Variants in MPRIP observed in about 807,000 individuals in gnomAD.
MPRIP encodes the protein myosin phosphatase Rho-interacting protein.
A neutral mutation model predicts 234.9 loss-of-function variants in MPRIP; 59 were observed. The ratio of observed to expected loss-of-function variants is 0.25; its 90% CI spans 0.20 to 0.31. The LOEUF is 0.31. MPRIP is among the 10% of genes least tolerant of loss of function. The pLI, the probability that MPRIP is intolerant of heterozygous loss-of-function variation, is 1.00. For missense variants in MPRIP, 2,436 were observed against 3,071.0 expected (o/e 0.79, Z 4.89); for synonymous variants, 1,144 against 1,263.9 (o/e 0.91, Z 2.01).
rs2046358950 is a variant in MPRIP at position 17,180,820 on chromosome 17, G to T, written c.7206+732G>T. On this transcript the variant is annotated intron_variant, in intron 23 of 23. Transcript: ENST00000651222. ...TTTAACCTGCTCTGGGGAGTTAATT[G>T]GCACTCTAACCTCTTAACAGAGATG... is the stretch of plus-strand genomic sequence containing the variant. Among the ~76,000 whole-genome samples the T allele has an allele frequency of 2.0e-5, 3 of 152,210 alleles. No individual in the cohort carries two copies. In the South Asian group the frequency reaches 6.2e-4, roughly 32 times the overall value.
intron 8 of MPRIP, 55 bp downstream of exon 8, chr17:17,142,820 T>C: frequency 6.3e-7 from 1 of 1,582,090 alleles, no homozygotes; most frequent in Non-Finnish European, 8.6e-7. Flanking sequence ...CGGGTCAGCA[T>C]GCACCCCATG....
At chr17:17,101,040 A>G (rs2089950404) in intron 3 of MPRIP, among the ~76,000 whole-genome samples, 1 of 152,210 alleles carries the variant, frequency 6.6e-6, no homozygotes, top group African/African-American at 2.4e-5. Context: ...GTGGAGCGCT[A>G]TATCCTGTCT....
intron 16 of MPRIP, chr17:17,170,181 CATAT>C (rs58643811): frequency 1.4e-5 from 2 of 143,080 alleles, no homozygotes; most frequent in African/African-American, 5.3e-5. Context: ...TGAAGTATTC[CATAT>C]ATATATATAT....
At chr17:17,108,313 G>C (rs1417518420) in intron 3 of MPRIP, among the ~76,000 whole-genome samples, 1 of 152,240 alleles carries the variant, frequency 6.6e-6, no homozygotes, top group Admixed American at 6.5e-5. Flanking sequence ...GCAAAAAGCT[G>C]TAAGTGACTT....
chr17:17,057,698 A>G (rs1431848717), intron 1 of MPRIP: 2 of 717,970 alleles, frequency 2.8e-6, no homozygotes, highest in African/African-American at 3.5e-5. Flanking sequence ...GAATGTTCTC[A>G]TGTTGAAGGA....
Position 17,158,722 on chromosome 17 carries a change from G to A in MPRIP, c.2120G>A (p.Arg707Gln), listed in dbSNP as rs748079274. ...GELERERARR[R>Q]EERRKRFGML... ...CTGGAGCGGGAGCGTGCACGGAGGCGGGAGGAGCGCCGCAAGCGCTTCGGG... is the reference window on the plus strand; with the variant it reads ...CTGGAGCGGGAGCGTGCACGGAGGCAGGAGGAGCGCCGCAAGCGCTTCGGG... Residue 707 changes from arginine to glutamine, a missense_variant, in exon 14 of 24, where the codon CGG (arginine) becomes CAG (glutamine). Physicochemically the swap from Arg to Gln is conservative, Grantham distance 43. Transcript: ENST00000651222. The A allele has an allele frequency of 1.4e-5, 23 of 1,610,342 alleles. No individual in the cohort carries two copies. The highest frequency in any genetic ancestry group is 8.0e-5 in the African/African-American group (6 of 74,890).
At chr17:17,141,089 A>T (rs577979260) in intron 7 of MPRIP, among the ~76,000 whole-genome samples, 2 of 151,026 alleles carry the variant, frequency 1.3e-5, no homozygotes, top group Non-Finnish European at 3.0e-5. Flanking sequence ...CTCCACCACG[A>T]CTCCTCTGTC....
rs2089318550 is a variant in MPRIP, at chr17:17,075,953, G to T, written c.201+166G>T. The stretch of plus-strand genomic sequence containing the variant: ...TGCACTTGTACGTTGTACAGAAAAG[G>T]TCTCAATTATACATAGTTGTGTGTA... On this transcript the variant is annotated intron_variant, in intron 2 of 23. Coordinates refer to ENST00000651222, the MANE Select transcript of MPRIP (RefSeq NM_001364716.4). 7.9e-6 allele frequency: 5 copies of T among 635,346 alleles called. No homozygotes were observed. In the East Asian group the frequency reaches 1.4e-4, roughly 17 times the overall value. 39.4% of individuals were successfully genotyped at this position (635,346 alleles called of 1,614,324 possible).
At chr17:17,181,636 C>G (rs1476333735) in intron 23 of MPRIP, 1 of 152,202 alleles carries the variant, frequency 6.6e-6, no homozygotes, top group African/African-American at 2.4e-5. Context: ...ACTGAAGATT[C>G]TACTACTTAT....
rs528437954 is a variant in MPRIP at position 17,096,932 on chromosome 17, C to A, written c.267+18856C>A. Reference sequence around the variant, plus strand: ...GAATCTCGTCGGCTGCTGGGAAGACCAAGGGGCCAGCCATCGCAGGGAGCA... The same window carrying A: ...GAATCTCGTCGGCTGCTGGGAAGACAAAGGGGCCAGCCATCGCAGGGAGCA... On this transcript the variant is annotated intron_variant, in intron 3 of 23. Transcript: ENST00000651222. 3 of 403,622 alleles carry A rather than the reference C, an allele frequency of 7.4e-6. No individual in the cohort carries two copies. In the Admixed American group the frequency reaches 8.5e-5, roughly 11 times the overall value. 25.0% of individuals were successfully genotyped at this position (403,622 alleles called of 1,614,324 possible).
At chr17:17,117,298 C>T (rs1053564297) in intron 3 of MPRIP, among the ~76,000 whole-genome samples, 3 of 152,232 alleles carry the variant, frequency 2.0e-5, no homozygotes, top group Admixed American at 6.5e-5. Flanking sequence ...CGTTTGTAGT[C>T]TTGTGACAGA....
intron 3 of MPRIP, among the ~76,000 whole-genome samples, chr17:17,109,692 C>G (rs1597818026): frequency 6.6e-6 from 1 of 152,254 alleles, no homozygotes; most frequent in Non-Finnish European, 1.5e-5. Context: ...CCATCCAGAT[C>G]TTGATTTTTA....
intron 1 of MPRIP, among the ~76,000 whole-genome samples, chr17:17,073,266 C>G (rs2089244468): frequency 6.6e-6 from 1 of 152,188 alleles, no homozygotes; most frequent in African/African-American, 2.4e-5. Context: ...GCATCAGTCC[C>G]CTCTGTGGTG....
chr17:17,057,924 T>A (rs2088754585), intron 1 of MPRIP: 2 of 512,782 alleles, frequency 3.9e-6, no homozygotes, highest in Non-Finnish European at 3.4e-6. Flanking sequence ...AATATAAATC[T>A]AAATAATAAA....
chr17:17,168,207 C>G (rs989436043), intron 16 of MPRIP: 4 of 303,426 alleles, frequency 1.3e-5, no homozygotes, highest in African/African-American at 8.8e-5. Flanking sequence ...AATGCGGCCT[C>G]TCCGTGTTCC....
At chr17:17,091,561 T>G (rs757620507) in intron 3 of MPRIP, among the ~76,000 whole-genome samples, 1 of 152,188 alleles carries the variant, frequency 6.6e-6, no homozygotes, top group Non-Finnish European at 1.5e-5. Flanking sequence ...CTGAATGGAA[T>G]GTGTTGTCCA....
chr17:17,057,508 G>A (rs546191053), intron 1 of MPRIP: 1 of 687,508 alleles, frequency 1.5e-6, no homozygotes, highest in East Asian at 2.7e-5. Context: ...GGTGCTGGGA[G>A]CTGCTGGCAG....
At chr17:17,118,518 A>T (rs900766042) in intron 3 of MPRIP, among the ~76,000 whole-genome samples, 2 of 152,206 alleles carry the variant, frequency 1.3e-5, no homozygotes, top group Non-Finnish European at 2.9e-5. Context: ...AGCCCAGCCT[A>T]GGGGCTGTTC....
rs1439777881 is a variant in MPRIP, at chr17:17,167,901, T to G, written c.6310T>G (p.Leu2104Val). 1 of 1,303,576 alleles carries G rather than the reference T, an allele frequency of 7.7e-7. No individual in the cohort carries two copies. The highest frequency in any genetic ancestry group is 2.3e-5 in the Admixed American group (1 of 43,564). The allele number at this position is 1,303,576 out of a possible 1,614,324, so 80.8% of individuals were successfully genotyped here. Residue 2104 changes from leucine to valine, a missense_variant, in exon 16 of 24, where the codon TTG becomes GTG. Around this residue, in one of 4 missense-constraint regions of MPRIP, gnomAD observed 1,998 missense variants for 2,520.3 expected, o/e 0.79. Coordinates refer to ENST00000651222, the MANE Select transcript of MPRIP (RefSeq NM_001364716.4). This position sits in a 1 kb window ranked among gnomAD's most constrained non-coding sequence, Gnocchi z 5.9. ...ACTGCGTGAGAAGTACCAGAGGGAC[T>G]TGGAGAGCCTTAAGGTCTTAACGCC... is the stretch of plus-strand genomic sequence containing the variant. ...ATLREKYQRD[L>V]ESLKATCERG...
Sources: gnomAD v4.1 joint callset for allele counts (sites outside exome capture counted in the v4.1 genomes callset) on GRCh38, gnomAD v4.1.1 for gene constraint, gnomAD v4.1.1 regional missense constraint, Gnocchi (gnomAD v3.1) non-coding constraint, MANE v1.5 for transcripts, NCBI Gene and HGNC (gene_info 2026-07-23, HGNC 2026-07-21) for gene names.